Variants in FAM110B observed in about 807,000 individuals in gnomAD.
FAM110B encodes protein FAM110B.
In FAM110B, 6 loss-of-function variants were observed where a neutral mutation model predicts 20.4. The ratio of observed to expected loss-of-function variants is 0.29; its 90% confidence interval spans 0.16 to 0.58. The LOEUF is 0.58. Among genes scored for constraint, FAM110B ranks in the 20% least tolerant of loss-of-function variants. FAM110B has a pLI of 0.90. For synonymous variants in FAM110B, 226 were observed against 214.1 expected (o/e 1.06, Z -0.49); for missense variants, 434 against 498.2 (o/e 0.87, Z 1.23).
chr8:58,096,489 T>A (rs894379921), intron 3 of FAM110B, among the ~76,000 whole-genome samples: 1 of 152,212 alleles, frequency 6.6e-6, no homozygotes, highest in Admixed American at 6.5e-5. Flanking sequence ...TCTTGACTCT[T>A]TATCCAATTT....
intron 2 of FAM110B, among the ~76,000 whole-genome samples, chr8:58,060,098 T>G (rs1347150559): frequency 1.3e-5 from 2 of 152,336 alleles, no homozygotes; most frequent in East Asian, 3.9e-4. Context: ...ATATGTTGGT[T>G]CTTATTAACA....
intron 3 of FAM110B, among the ~76,000 whole-genome samples, chr8:58,134,385 C>G (rs939388387): frequency 1.3e-5 from 2 of 152,162 alleles, no homozygotes; most frequent in African/African-American, 4.8e-5. Context: ...TAAGCAGTCT[C>G]CATGTATTTG....
At chr8:58,090,987 G>C (rs541380498) in intron 3 of FAM110B, among the ~76,000 whole-genome samples, 6 of 152,280 alleles carry the variant, frequency 3.9e-5, no homozygotes, top group Non-Finnish European at 8.8e-5. Context: ...GCATTTACTT[G>C]GATTTCTCAC....
At chr8:58,120,697 A>G (rs913457903) in intron 3 of FAM110B, among the ~76,000 whole-genome samples, 5 of 152,210 alleles carry the variant, frequency 3.3e-5, no homozygotes, top group Non-Finnish European at 5.9e-5. Flanking sequence ...GTTTTGATTT[A>G]TTACCCAAGA....
intron 3 of FAM110B, among the ~76,000 whole-genome samples, chr8:58,083,158 A>G (rs1393086360): frequency 1.3e-5 from 2 of 152,228 alleles, no homozygotes; most frequent in Non-Finnish European, 2.9e-5. Flanking sequence ...ATCTTCAGAT[A>G]TAAGACACAA....
intron 3 of FAM110B, among the ~76,000 whole-genome samples, chr8:58,110,325 T>C (rs1025113645): frequency 1.1e-4 from 17 of 152,160 alleles, no homozygotes; most frequent in Admixed American, 1.1e-3. Context: ...GAAATCTGTA[T>C]TTATATGGAA....
chr8:58,000,989 C>T (rs1404370357), intron 1 of FAM110B, among the ~76,000 whole-genome samples: 1 of 152,138 alleles, frequency 6.6e-6, no homozygotes, highest in Non-Finnish European at 1.5e-5. Flanking sequence ...GTTAATATGA[C>T]TAGTCATGGG....
intron 3 of FAM110B, among the ~76,000 whole-genome samples, chr8:58,076,066 T>A (rs917239450): frequency 7.9e-5 from 12 of 152,334 alleles, no homozygotes; most frequent in African/African-American, 2.2e-4. Flanking sequence ...CAAGTGATCC[T>A]GCTGCCTCCA....
intron 2 of FAM110B, among the ~76,000 whole-genome samples, chr8:58,065,822 G>C (rs1276080193): frequency 6.6e-6 from 1 of 152,120 alleles, no homozygotes; most frequent in Non-Finnish European, 1.5e-5. Flanking sequence ...TCTCAAAGCA[G>C]ATACTATATG....
chr8:58,125,378 C>T (rs1807473213), intron 3 of FAM110B, among the ~76,000 whole-genome samples: 1 of 152,104 alleles, frequency 6.6e-6, no homozygotes, highest in South Asian at 2.1e-4. Context: ...TCAAAGAACA[C>T]TATTAATGTG....
chr8:58,066,745 C>T (rs1805775819), intron 2 of FAM110B, among the ~76,000 whole-genome samples: 1 of 152,072 alleles, frequency 6.6e-6, no homozygotes, highest in African/African-American at 2.4e-5. Context: ...GGGAGCGGAT[C>T]GTTGGTTTCT....
intron 3 of FAM110B, among the ~76,000 whole-genome samples, chr8:58,075,926 C>G (rs1324273338): frequency 6.6e-6 from 1 of 152,152 alleles, no homozygotes; most frequent in African/African-American, 2.4e-5. Flanking sequence ...ATCAGGTAAT[C>G]TCCCAGGAGT....
At chr8:58,075,079 C>CT (rs566485535) in intron 2 of FAM110B, among the ~76,000 whole-genome samples, 85 of 147,646 alleles carry the variant, frequency 5.8e-4, no homozygotes, top group Admixed American at 2.8e-3. Context: ...TGTTTGCTGT[C>CT]TTTTTTTTTT....
At chr8:58,104,999 C>CT (rs367979721) in intron 3 of FAM110B, among the ~76,000 whole-genome samples, 1,604 of 136,202 alleles carry the variant, frequency 0.012, 24 homozygotes, top group African/African-American at 0.028. Context: ...CCATTGCCTT[C>CT]TTTTTTTTTT....
intron 3 of FAM110B, among the ~76,000 whole-genome samples, chr8:58,108,930 T>A (rs1442732576): frequency 1.3e-5 from 2 of 152,200 alleles, no homozygotes; most frequent in African/African-American, 4.8e-5. Context: ...ACAAGGCATT[T>A]GACAAGCACA....
At chr8:58,073,607 C>T (rs1042479387) in intron 2 of FAM110B, among the ~76,000 whole-genome samples, 15 of 152,154 alleles carry the variant, frequency 9.9e-5, no homozygotes, top group African/African-American at 3.4e-4. Flanking sequence ...TTTTCTTTAA[C>T]GTATCCAGAA....
intron 2 of FAM110B, among the ~76,000 whole-genome samples, chr8:58,040,555 G>A (rs1805192700): frequency 6.6e-6 from 1 of 152,134 alleles, no homozygotes; most frequent in African/African-American, 2.4e-5. Flanking sequence ...GTGGCCATTA[G>A]CCCACCCAGA....
chr8:58,001,594 T>TA (rs1804297842), intron 1 of FAM110B, among the ~76,000 whole-genome samples: 1 of 152,190 alleles, frequency 6.6e-6, no homozygotes, highest in Non-Finnish European at 1.5e-5. Flanking sequence ...CCCTGGTTGT[T>TA]ATCTCTACCA....
chr8:58,046,292 C>T (rs1053691503), intron 2 of FAM110B, among the ~76,000 whole-genome samples: 4 of 152,144 alleles, frequency 2.6e-5, no homozygotes, highest in Non-Finnish European at 5.9e-5. Context: ...ATTAATAACA[C>T]AACTGTGAAC....
Sources: allele counts gnomAD v4.1 joint callset (sites outside exome capture counted in the v4.1 genomes callset), GRCh38; gene constraint gnomAD v4.1.1; transcripts MANE v1.5; gene names NCBI Gene and HGNC (gene_info 2026-07-23, HGNC 2026-07-21).